Variants in ZNF254 observed in about 807,000 individuals in gnomAD.
ZNF254 encodes the protein zinc finger protein 254.
A neutral mutation model predicts 12.4 loss-of-function variants in ZNF254; 10 were observed. The ratio of observed to expected loss-of-function variants is 0.80; its 90% CI spans 0.50 to 1.36. The LOEUF (loss-of-function observed/expected upper bound fraction) is 1.36. ZNF254 is among the 40% of genes most tolerant of loss of function. ZNF254 has a pLI of 0.00. For synonymous variants in ZNF254, 305 were observed against 253.4 expected (o/e 1.20, Z -1.93); for missense variants, 996 against 763.9 (o/e 1.30, Z -3.58).
intron 2 of ZNF254, chr19:24,079,211 C>T (rs1038346441): frequency 3.9e-5 from 6 of 152,178 alleles, no homozygotes; most frequent in Non-Finnish European, 8.8e-5. Context: ...GTTGGACATA[C>T]AAGATGATCC....
intron 2 of ZNF254, among the ~76,000 whole-genome samples, chr19:24,061,526 A>G (rs536190379): frequency 6.6e-5 from 10 of 152,326 alleles, no homozygotes; most frequent in African/African-American, 2.4e-4. Context: ...CTGCATGTGC[A>G]TAACTTTCAG....
At chr19:24,096,847 TACA>T (rs1972699927) in intron 1 of ZNF254, among the ~76,000 whole-genome samples, 1 of 152,226 alleles carries the variant, frequency 6.6e-6, no homozygotes, top group Non-Finnish European at 1.5e-5. Flanking sequence ...ATGAATTTTA[TACA>T]ACACCTTTCT....
At chr19:24,067,524 G>A (rs1241905149) in intron 2 of ZNF254, among the ~76,000 whole-genome samples, 1 of 151,862 alleles carries the variant, frequency 6.6e-6, no homozygotes, top group African/African-American at 2.4e-5. Context: ...CCATATAGCT[G>A]GGCCCAGCTC....
At chr19:24,077,386 C>G (rs1046560497) in intron 2 of ZNF254, among the ~76,000 whole-genome samples, 7 of 152,216 alleles carry the variant, frequency 4.6e-5, no homozygotes, top group African/African-American at 1.7e-4. Context: ...AATTTATTGA[C>G]ACTTGTCTCA....
intron 2 of ZNF254, among the ~76,000 whole-genome samples, chr19:24,050,440 G>A (rs964903668): frequency 1.3e-5 from 2 of 152,222 alleles, no homozygotes; most frequent in Admixed American, 6.5e-5. Context: ...GATTACAGGT[G>A]TGAACCATTG....
At chr19:24,117,107 G>T (rs775049831) in intron 3 of ZNF254, among the ~76,000 whole-genome samples, 6 of 152,276 alleles carry the variant, frequency 3.9e-5, no homozygotes, top group East Asian at 3.9e-4. Context: ...TGCCCCTAGT[G>T]GGGGGTGCCT....
chr19:24,065,868 T>A (rs1292569369), intron 2 of ZNF254: 2 of 152,190 alleles, frequency 1.3e-5, no homozygotes, highest in Non-Finnish European at 2.9e-5. Flanking sequence ...GGATGTAACT[T>A]TTTTTCTGGG....
chr19:24,049,214 ATTTTTTT>A (rs66491625), intron 2 of ZNF254, among the ~76,000 whole-genome samples: 1 of 40,892 alleles, frequency 2.4e-5, no homozygotes, highest in Non-Finnish European at 4.1e-5. Flanking sequence ...ATATATATAT[ATTTTTTT>A]TTTTTTTTTA....
intron 1 of ZNF254, among the ~76,000 whole-genome samples, chr19:24,043,287 A>G (rs1308444707): frequency 6.7e-6 from 1 of 148,166 alleles, no homozygotes; most frequent in Non-Finnish European, 1.5e-5. Flanking sequence ...TTTGAGATAG[A>G]ATCTTACTTT....
At chr19:24,091,317 A>G (rs927942248) in intron 1 of ZNF254, among the ~76,000 whole-genome samples, 57 of 69,400 alleles carry the variant, frequency 8.2e-4, no homozygotes, top group African/African-American at 3.1e-3. Flanking sequence ...AAAATAAAGA[A>G]AAAAAAAAAA....
chr19:24,097,384 G>C (rs1421297549), intron 1 of ZNF254, among the ~76,000 whole-genome samples: 2 of 152,182 alleles, frequency 1.3e-5, no homozygotes, highest in Non-Finnish European at 2.9e-5. Context: ...TTTGCAGGCT[G>C]AATTATAAAG....
intron 3 of ZNF254, among the ~76,000 whole-genome samples, chr19:24,119,043 C>G (rs149761805): frequency 1.8e-4 from 27 of 151,978 alleles, no homozygotes; most frequent in African/African-American, 6.5e-4. Context: ...ATCCAGGAGA[C>G]AGAGATTGGA....
At chr19:24,115,604 G>T (rs1974000937) in intron 3 of ZNF254, among the ~76,000 whole-genome samples, 1 of 151,864 alleles carries the variant, frequency 6.6e-6, no homozygotes, top group Non-Finnish European at 1.5e-5. Context: ...CAGCACACCA[G>T]CATGGCACAT....
chr19:24,123,978 T>C (rs1308447861), intron 3 of ZNF254, among the ~76,000 whole-genome samples: 1 of 152,002 alleles, frequency 6.6e-6, no homozygotes, highest in Non-Finnish European at 1.5e-5. Flanking sequence ...ATTTTATATA[T>C]ATTGAAATAA....
chr19:24,062,425 CAT>C (rs1286623360), intron 2 of ZNF254, among the ~76,000 whole-genome samples: 2 of 152,132 alleles, frequency 1.3e-5, no homozygotes, highest in Admixed American at 1.3e-4. Flanking sequence ...AAACCCAGCT[CAT>C]AGTGGTGAGG....
At chr19:24,093,082 C>T (rs1041035175) in intron 1 of ZNF254, among the ~76,000 whole-genome samples, 1 of 149,628 alleles carries the variant, frequency 6.7e-6, no homozygotes, top group Admixed American at 6.6e-5. Flanking sequence ...GTGTGTTAGC[C>T]ACATGTTTGT....
intron 1 of ZNF254, 100 bp from the exon 2 acceptor site, chr19:24,105,840 G>C: frequency 6.7e-7 from 1 of 1,502,924 alleles, no homozygotes; most frequent in South Asian, 1.1e-5. Flanking sequence ...ACTCTTATAA[G>C]TCAGAACCAG....
chr19:24,122,147 A>G (rs1974525214), intron 3 of ZNF254, among the ~76,000 whole-genome samples: 1 of 152,218 alleles, frequency 6.6e-6, no homozygotes, highest in South Asian at 2.1e-4. Flanking sequence ...TTATCTTGAC[A>G]TTGTCATGCA....
Position 24,126,708 on chromosome 19 carries a change from AC to A in ZNF254, c.710del (p.Pro237LeufsTer22). 1 of 1,613,524 alleles carries A rather than the reference AC, an allele frequency of 6.2e-7. No individual in the cohort carries two copies. Among genetic ancestry groups the A allele is most frequent in the Non-Finnish European group, 8.5e-7 (1 of 1,179,790 alleles). On this transcript the variant is annotated frameshift_variant, in exon 4 of 4. Transcript: ENST00000357002. LOFTEE classifies it low-confidence loss of function (END_TRUNC). ...ATAGGAAAATTTATACTGAAGAGAAACCTTACAAATGTGAAGAATATAACAA... is the reference window on the plus strand; with the variant it reads ...ATAGGAAAATTTATACTGAAGAGAAACTTACAAATGTGAAGAATATAACAA... ...NHRKIYTEEKPYKCEEYNKSP... is the reference protein window; with the variant it reads ...NHRKIYTEEKXYKCEEYNKSP...
Sources: allele counts gnomAD v4.1 joint callset (sites outside exome capture counted in the v4.1 genomes callset), GRCh38; gene constraint gnomAD v4.1.1; transcripts MANE v1.5; gene names NCBI Gene and HGNC (gene_info 2026-07-23, HGNC 2026-07-21).